The following NOL4 variants were observed in gnomAD, a reference collection of about 807,000 sequenced individuals.
NOL4 encodes the protein cancer/testis antigen 125.
A neutral mutation model predicts 75.9 loss-of-function variants in NOL4; 17 were observed. That is an observed-to-expected ratio of 0.22 (90% CI 0.15 to 0.34). The LOEUF (loss-of-function observed/expected upper bound fraction) is 0.34. NOL4 is among the 10% of genes least tolerant of loss of function. NOL4 has a pLI of 1.00. For missense variants in NOL4, 614 were observed against 793.5 expected (o/e 0.77, Z 2.72); for synonymous variants, 292 against 289.9 (o/e 1.01, Z -0.07).
At chr18:34,161,697 C>CT (rs2031507734) in intron 1 of NOL4, among the ~76,000 whole-genome samples, 1 of 151,750 alleles carries the variant, frequency 6.6e-6, no homozygotes, top group Non-Finnish European at 1.5e-5. Context: ...CAGATTATTT[C>CT]TTTTTATGCT....
At position 34,223,034 on chromosome 18, in the gene NOL4, C is replaced by G; in HGVS notation, c.220G>C (p.Gly74Arg). The G allele has an allele frequency of 6.2e-7, 1 of 1,613,240 alleles. No individual in the cohort carries two copies. The highest frequency in any genetic ancestry group is 8.5e-7 in the Non-Finnish European group (1 of 1,180,044). ...LGQPDEVRGG[G>R]GGAKQVLYVP... ...TAGAGCACTTGCTTGGCGCCGCCGC[C>G]TCCCCCGCGGACCTCGTCCGGCTGG... The change falls in exon 1 of 11, where the codon GGC becomes CGC. Residue 74 changes from glycine (G) to arginine (R), a missense_variant. Physicochemically the swap from Gly to Arg is moderately radical, Grantham distance 125. Around this residue, in one of 9 missense-constraint regions of NOL4, gnomAD observed 49 missense variants for 39.6 expected, o/e 1.24. Coordinates refer to ENST00000261592, the MANE Select transcript of NOL4 (RefSeq NM_003787.5).
rs11878099 is a variant in NOL4 at position 34,075,190 on chromosome 18, A to G, written c.772+18275T>C. Among the ~76,000 whole-genome samples the G allele has an allele frequency of 2.0e-3, 307 of 152,298 alleles. 5 individuals are homozygous for G. Among genetic ancestry groups the G allele is most frequent in the African/African-American group, 6.9e-3 (286 of 41,578 alleles). On this transcript the variant is annotated intron_variant, in intron 5 of 10. Transcript: ENST00000261592. ...CAGATTTTGGAATATTTGCAAATAT[A>G]TAATGAATCATCTTGGGGATGGAAC...
At chr18:33,965,340 A>C (rs2070492885) in intron 6 of NOL4, among the ~76,000 whole-genome samples, 1 of 152,024 alleles carries the variant, frequency 6.6e-6, no homozygotes, top group Non-Finnish European at 1.5e-5. Flanking sequence ...CAAAAACCAA[A>C]AACAATTATA....
chr18:33,896,740 CA>C (rs2065432972), intron 9 of NOL4, among the ~76,000 whole-genome samples: 1 of 152,088 alleles, frequency 6.6e-6, no homozygotes, highest in South Asian at 2.1e-4. Context: ...ACACCAAAAG[CA>C]ATCACAACAA....
chr18:34,096,609 C>A (rs1056083684), intron 4 of NOL4, among the ~76,000 whole-genome samples: 4 of 152,014 alleles, frequency 2.6e-5, no homozygotes, highest in Non-Finnish European at 5.9e-5. Flanking sequence ...CATCTAATTC[C>A]TTTCCTCTAT....
chr18:34,080,196 T>C (rs1198586553), intron 5 of NOL4, among the ~76,000 whole-genome samples: 2 of 152,214 alleles, frequency 1.3e-5, no homozygotes, highest in Non-Finnish European at 2.9e-5. Context: ...GAGAAGCATT[T>C]GCAGCTCCTC....
intron 9 of NOL4, among the ~76,000 whole-genome samples, chr18:33,931,299 T>C (rs1407149358): frequency 6.6e-6 from 1 of 152,158 alleles, no homozygotes; most frequent in African/African-American, 2.4e-5. Flanking sequence ...TACTACCCTC[T>C]TGGGAACATT....
chr18:33,853,064 CAT>C, intron 10 of NOL4, 29 bp from the exon 11 acceptor site: 2 of 1,554,684 alleles, frequency 1.3e-6, no homozygotes, highest in Non-Finnish European at 1.7e-6. Flanking sequence ...CAAAATTAGA[CAT>C]AAATATTATT....
intron 9 of NOL4, among the ~76,000 whole-genome samples, chr18:33,906,090 A>G (rs1162178206): frequency 6.6e-6 from 1 of 152,230 alleles, no homozygotes; most frequent in East Asian, 1.9e-4. Flanking sequence ...GGCCAAGCTA[A>G]CTACGAGAGG....
At chr18:33,979,250 T>G (rs1243140305) in intron 6 of NOL4, among the ~76,000 whole-genome samples, 1 of 151,764 alleles carries the variant, frequency 6.6e-6, no homozygotes, top group Non-Finnish European at 1.5e-5. Context: ...CACCCCCCAT[T>G]CCCCTTTAGA....
At chr18:34,105,023 A>G (rs1330250337) in intron 3 of NOL4, 26 bp downstream of exon 3, 1 of 1,401,034 alleles carries the variant, frequency 7.1e-7, no homozygotes, top group South Asian at 1.2e-5. Flanking sequence ...ATTACTTTAA[A>G]TCTCACTATT....
At chr18:34,083,258 T>C (rs1416659810) in intron 5 of NOL4, among the ~76,000 whole-genome samples, 6 of 152,178 alleles carry the variant, frequency 3.9e-5, no homozygotes, top group African/African-American at 7.2e-5. Flanking sequence ...ATGTTGACTA[T>C]AGTTTCTTGA....
At chr18:34,112,449 A>ATATT (rs146669348) in intron 2 of NOL4, among the ~76,000 whole-genome samples, 4,778 of 152,154 alleles carry the variant, frequency 0.031, 77 homozygotes, top group Middle Eastern at 0.048. Context: ...ATATATATCA[A>ATATT]TATTTAATTT....
chr18:33,928,840 A>G (rs969997992), intron 9 of NOL4, among the ~76,000 whole-genome samples: 2 of 151,646 alleles, frequency 1.3e-5, no homozygotes, highest in African/African-American at 4.8e-5. Flanking sequence ...TGAATTCTTA[A>G]TTAGCTGAGC....
At chr18:33,932,600 TA>T (rs1287832702) in intron 9 of NOL4, among the ~76,000 whole-genome samples, 6 of 152,074 alleles carry the variant, frequency 3.9e-5, no homozygotes, top group Admixed American at 3.3e-4. Context: ...ACTTAATATT[TA>T]AAAAATGAGG....
intron 6 of NOL4, among the ~76,000 whole-genome samples, chr18:33,975,789 A>T (rs985227470): frequency 2.6e-4 from 39 of 152,268 alleles, no homozygotes; most frequent in Non-Finnish European, 4.7e-4. Flanking sequence ...TAAAAAGGCA[A>T]TTGGTGAAGA....
chr18:34,108,570 G>T (rs765542290), intron 2 of NOL4, among the ~76,000 whole-genome samples: 1 of 152,028 alleles, frequency 6.6e-6, no homozygotes, highest in Non-Finnish European at 1.5e-5. Flanking sequence ...ACATAATAGG[G>T]TGCTTGTTAA....
At chr18:33,880,821 T>C (rs1028305804) in intron 10 of NOL4, among the ~76,000 whole-genome samples, 1 of 152,076 alleles carries the variant, frequency 6.6e-6, no homozygotes, top group African/African-American at 2.4e-5. Context: ...AGTTGAGTTT[T>C]TTTTTTTTAG....
chr18:33,859,596 T>G (rs916938203), intron 10 of NOL4, among the ~76,000 whole-genome samples: 1 of 152,126 alleles, frequency 6.6e-6, no homozygotes, highest in Non-Finnish European at 1.5e-5. Flanking sequence ...TTGGGGTACA[T>G]AGTTGTATCA....
Sources: allele counts gnomAD v4.1 joint callset (sites outside exome capture counted in the v4.1 genomes callset), GRCh38; gene constraint gnomAD v4.1.1; regional missense constraint gnomAD v4.1.1; transcripts MANE v1.5; gene names NCBI Gene and HGNC (gene_info 2026-07-23, HGNC 2026-07-21).